Variants in CSMD2 observed in about 807,000 individuals in gnomAD.
The protein encoded by CSMD2 is CUB and sushi domain-containing protein 2.
A neutral mutation model predicts 398.5 loss-of-function variants in CSMD2; 130 were observed. The observed-to-expected ratio is 0.33, with a 90% CI of 0.28 to 0.38. The LOEUF (loss-of-function observed/expected upper bound fraction) is 0.38, where lower values mean the gene tolerates loss of function less well. Among genes scored for constraint, CSMD2 ranks in the 10% least tolerant of loss-of-function variants. The probability of loss-of-function intolerance (pLI) is 1.00; values close to 1 mark genes in which losing one functional copy is unlikely to be tolerated. For missense variants in CSMD2, 3,829 were observed against 4,764.9 expected (o/e 0.80, Z 5.78); for synonymous variants, 1,828 against 1,908.5 (o/e 0.96, Z 1.10).
In CSMD2 at chr1:33,791,956, T is replaced by C. The variant is rs147227230; in HGVS notation, c.1550+467A>G. 1.6e-3 allele frequency among the ~76,000 whole-genome samples: 249 copies of C among 152,292 alleles called. 2 individuals are homozygous for C. The highest frequency in any genetic ancestry group is 5.8e-3 in the African/African-American group (243 of 41,548). ...TTTTTGGCTCAGGAAGTGTGGCCAC[T>C]ATGTCTATATGGTCCTGATTCTCTG... On this transcript the variant is annotated intron_variant, in intron 11 of 70. Transcript: ENST00000373381.
chr1:33,645,342 TATACACACACAC>T (rs1445110189), intron 29 of CSMD2, among the ~76,000 whole-genome samples: 95 of 104,304 alleles, frequency 9.1e-4, no homozygotes, highest in Middle Eastern at 4.7e-3. Context: ...TATGGAGCAT[TATACACACACAC>T]ACACACACAC....
chr1:34,082,873 T>C (rs1189835147), intron 2 of CSMD2, among the ~76,000 whole-genome samples: 2 of 152,038 alleles, frequency 1.3e-5, no homozygotes, highest in Admixed American at 6.5e-5. Flanking sequence ...GAAGGCAGCA[T>C]GCTCGTTAAG....
chr1:33,544,146 G>A (rs535153569), intron 57 of CSMD2, among the ~76,000 whole-genome samples: 52 of 125,180 alleles, frequency 4.2e-4, no homozygotes, highest in Non-Finnish European at 7.1e-4. Context: ...TCGCTCTTTC[G>A]CCCAGGCTGA....
intron 2 of CSMD2, among the ~76,000 whole-genome samples, chr1:34,066,407 G>A (rs529953926): frequency 3.9e-5 from 6 of 152,156 alleles, no homozygotes; most frequent in African/African-American, 7.2e-5. Context: ...CTCCCTCAGC[G>A]TTCCCTGATC....
intron 3 of CSMD2, among the ~76,000 whole-genome samples, chr1:34,015,561 G>A (rs1647967993): frequency 2.0e-5 from 3 of 152,146 alleles, no homozygotes; most frequent in Admixed American, 2.0e-4. Flanking sequence ...CCCTTCCCAG[G>A]CACTCTGCAG....
intron 60 of CSMD2, among the ~76,000 whole-genome samples, chr1:33,539,648 C>T (rs1278393497): frequency 2.0e-5 from 3 of 152,096 alleles, no homozygotes; most frequent in Non-Finnish European, 2.9e-5. Flanking sequence ...CTTTTACTTT[C>T]TTTTTTGTAT....
chr1:33,880,637 T>A (rs1641172531), intron 5 of CSMD2, among the ~76,000 whole-genome samples: 1 of 152,330 alleles, frequency 6.6e-6, no homozygotes, highest in South Asian at 2.1e-4. Flanking sequence ...AAGATTTCCA[T>A]AAAGATTTTA....
intron 55 of CSMD2, among the ~76,000 whole-genome samples, chr1:33,553,216 C>T (rs1570710628): frequency 6.6e-6 from 1 of 152,282 alleles, no homozygotes; most frequent in South Asian, 2.1e-4. Flanking sequence ...GCAAGCCTAA[C>T]AGCACCATTT....
At chr1:33,826,824 C>G (rs1173197608) in intron 6 of CSMD2, among the ~76,000 whole-genome samples, 1 of 152,212 alleles carries the variant, frequency 6.6e-6, no homozygotes, top group East Asian at 1.9e-4. Flanking sequence ...CTTGGAGCAG[C>G]TGTTTAATCC....
chr1:34,129,853 T>G lies in CSMD2; in HGVS notation c.187+35058A>C, dbSNP rs562148694. ...CCTGCAGAGTCAGACAAAACTGAAT[T>G]CACAGTCCCTTCTGCCACTTGCTGG... On this transcript the variant is annotated intron_variant, in intron 1 of 70. Coordinates refer to ENST00000373381, the MANE Select transcript of CSMD2 (RefSeq NM_001281956.2). Among the ~76,000 whole-genome samples, 19 of 152,232 alleles carry G rather than the reference T, an allele frequency of 1.2e-4. No homozygotes were observed. In the East Asian group the frequency reaches 3.7e-3, roughly 29 times the overall value.
chr1:34,007,057 T>C (rs2148053702), intron 3 of CSMD2, among the ~76,000 whole-genome samples: 1 of 152,278 alleles, frequency 6.6e-6, no homozygotes, highest in East Asian at 1.9e-4. Flanking sequence ...CAGAGCATCC[T>C]GGTGCCCACT....
chr1:33,739,450 A>T (rs1179858514), intron 14 of CSMD2, 116 bp from the exon 15 acceptor site: 3 of 993,854 alleles, frequency 3.0e-6, no homozygotes, highest in South Asian at 3.5e-5. Flanking sequence ...CTCCCCAAGA[A>T]CTTGCCATGT....
intron 4 of CSMD2, among the ~76,000 whole-genome samples, chr1:33,918,875 C>A (rs1345527850): frequency 1.3e-5 from 2 of 152,106 alleles, no homozygotes; most frequent in African/African-American, 4.8e-5. Context: ...GTTGTGATAA[C>A]TGAATTAGAT....
At chr1:34,145,462 A>G (rs1338911564) in intron 1 of CSMD2, among the ~76,000 whole-genome samples, 1 of 152,190 alleles carries the variant, frequency 6.6e-6, no homozygotes, top group Non-Finnish European at 1.5e-5. Context: ...GAGAATGCTA[A>G]TGAACCTCCT....
At chr1:33,827,118 A>G (rs575118492) in intron 6 of CSMD2, among the ~76,000 whole-genome samples, 49 of 152,282 alleles carry the variant, frequency 3.2e-4, no homozygotes, top group Middle Eastern at 3.4e-3. Context: ...CTTTCCCCTC[A>G]TGACTGTGGC....
At position 33,625,101 on chromosome 1, in the gene CSMD2, G is replaced by A; in HGVS notation, c.5450C>T (p.Pro1817Leu). 1 of 1,614,122 alleles carries A rather than the reference G, an allele frequency of 6.2e-7. No individual in the cohort carries two copies. The highest frequency in any genetic ancestry group is 1.1e-5 in the South Asian group (1 of 91,082). ...CCATTGGGCCAAGGCCCCAGGCACA[G>A]GGAGGCACTCGATCTCTGGCGACCC... ...LQGSPEIECL[P>L]VPGALAQWNV... Residue 1817 changes from proline (P) to leucine (L), a missense_variant, in exon 34 of 71, where the codon CCT becomes CTT. Physicochemically the swap from Pro to Leu is moderately conservative, Grantham distance 98 (BLOSUM62 -3). Coordinates refer to ENST00000373381, the MANE Select transcript of CSMD2 (RefSeq NM_001281956.2).
At chr1:33,585,603 A>G (rs182805380) in intron 46 of CSMD2, among the ~76,000 whole-genome samples, 18 of 152,358 alleles carry the variant, frequency 1.2e-4, no homozygotes, top group Admixed American at 7.2e-4. Context: ...TCCGATGACC[A>G]GCACAGGGCA....
At chr1:34,079,041 C>T (rs1448647290) in intron 2 of CSMD2, among the ~76,000 whole-genome samples, 1 of 152,170 alleles carries the variant, frequency 6.6e-6, no homozygotes, top group Non-Finnish European at 1.5e-5. Context: ...CCCACGGTCG[C>T]CAGTCTGCCC....
chr1:34,153,591 C>T (rs1451649683), intron 1 of CSMD2, among the ~76,000 whole-genome samples: 1 of 152,210 alleles, frequency 6.6e-6, no homozygotes, highest in East Asian at 1.9e-4. Context: ...CTCAGGCGCA[C>T]AGAGGCACTC....
Sources: allele counts gnomAD v4.1 joint callset (sites outside exome capture counted in the v4.1 genomes callset), GRCh38; gene constraint gnomAD v4.1.1; transcripts MANE v1.5; gene names NCBI Gene and HGNC (gene_info 2026-07-23, HGNC 2026-07-21).